Variants in TAFA2 observed in about 807,000 individuals in gnomAD.
TAFA2 encodes TAFA chemokine like family member 2.
TAFA2 carries 7 observed loss-of-function variants against 18.8 expected under a neutral mutation model. The observed-to-expected ratio is 0.37, with a 90% confidence interval of 0.21 to 0.70. The LOEUF (loss-of-function observed/expected upper bound fraction) is 0.70. Ranked by LOEUF, TAFA2 falls within the 30% of genes least tolerant of loss-of-function variation. The probability of loss-of-function intolerance (pLI) is 0.53; values close to 1 mark genes in which losing one functional copy is unlikely to be tolerated. For missense variants in TAFA2, 122 were observed against 158.1 expected (o/e 0.77, Z 1.23); for synonymous variants, 60 against 54.2 (o/e 1.11, Z -0.47).
intron 1 of TAFA2, among the ~76,000 whole-genome samples, chr12:61,993,358 C>T (rs960071716): frequency 6.6e-6 from 1 of 152,106 alleles, no homozygotes; most frequent in Admixed American, 6.6e-5. Flanking sequence ...CTCAAGTGTA[C>T]ATGCTTTTCT....
At chr12:61,838,697 C>T (rs1873041539) in intron 2 of TAFA2, among the ~76,000 whole-genome samples, 1 of 151,978 alleles carries the variant, frequency 6.6e-6, no homozygotes, top group South Asian at 2.1e-4. Context: ...TCTTTCCAGG[C>T]ATTTATTAAA....
chr12:61,737,344 CT>C (rs1006998352), intron 4 of TAFA2, among the ~76,000 whole-genome samples: 4 of 151,746 alleles, frequency 2.6e-5, no homozygotes, highest in Admixed American at 6.6e-5. Flanking sequence ...TTTCTCCTAA[CT>C]TTTTTTCACT....
intron 1 of TAFA2, among the ~76,000 whole-genome samples, chr12:62,240,034 A>C (rs1339947576): frequency 1.3e-5 from 2 of 151,570 alleles, no homozygotes; most frequent in Admixed American, 6.6e-5. Context: ...TTCTAGTTAT[A>C]TATATTATAT....
At chr12:61,960,779 A>AG (rs1878856908) in intron 1 of TAFA2, among the ~76,000 whole-genome samples, 1 of 151,364 alleles carries the variant, frequency 6.6e-6, no homozygotes, top group South Asian at 2.1e-4. Context: ...TTTCACCAAA[A>AG]AAAAAAAAAA....
intron 1 of TAFA2, among the ~76,000 whole-genome samples, chr12:62,247,229 C>G (rs963917905): frequency 1.3e-4 from 20 of 152,088 alleles, no homozygotes; most frequent in African/African-American, 4.6e-4. Flanking sequence ...CTAAAGTTAA[C>G]TGATACTTCT....
intron 1 of TAFA2, among the ~76,000 whole-genome samples, chr12:62,008,356 T>C (rs951331042): frequency 1.3e-5 from 2 of 152,152 alleles, no homozygotes; most frequent in East Asian, 1.9e-4. Flanking sequence ...TGGTTAAATA[T>C]CAAATATTTC....
chr12:61,725,981 G>T (rs1870145728), intron 4 of TAFA2, among the ~76,000 whole-genome samples: 1 of 151,522 alleles, frequency 6.6e-6, no homozygotes, highest in African/African-American at 2.4e-5. Context: ...CACTCTTTGG[G>T]TAATGGGTGC....
intron 1 of TAFA2, among the ~76,000 whole-genome samples, chr12:62,065,378 T>C (rs1882457226): frequency 6.6e-6 from 1 of 152,002 alleles, no homozygotes; most frequent in Non-Finnish European, 1.5e-5. Flanking sequence ...CAGCAACCTA[T>C]TGCAGACTAG....
chr12:61,800,430 G>GA (rs988451157), intron 2 of TAFA2, among the ~76,000 whole-genome samples: 3 of 152,054 alleles, frequency 2.0e-5, no homozygotes, highest in Admixed American at 2.0e-4. Flanking sequence ...ATGGAAATCA[G>GA]AAAAACAAGA....
At chr12:61,846,049 G>C (rs1873391007) in intron 2 of TAFA2, among the ~76,000 whole-genome samples, 1 of 152,020 alleles carries the variant, frequency 6.6e-6, no homozygotes, top group South Asian at 2.1e-4. Context: ...TCTATGTTTT[G>C]AAATAAAAAT....
chr12:62,162,797 A>G (rs2136931963), intron 1 of TAFA2, among the ~76,000 whole-genome samples: 1 of 152,286 alleles, frequency 6.6e-6, no homozygotes, highest in South Asian at 2.1e-4. Context: ...TAGATCAATT[A>G]AAAGAACTCT....
chr12:62,205,072 A>T (rs1434739530), intron 1 of TAFA2, among the ~76,000 whole-genome samples: 1 of 152,174 alleles, frequency 6.6e-6, no homozygotes, highest in Non-Finnish European at 1.5e-5. Flanking sequence ...TTTAACAGTC[A>T]GGCCCCTTTT....
At chr12:61,719,928 G>A (rs1869823048) in intron 4 of TAFA2, among the ~76,000 whole-genome samples, 1 of 152,214 alleles carries the variant, frequency 6.6e-6, no homozygotes, top group South Asian at 2.1e-4. Flanking sequence ...TCTATATGTG[G>A]TAAATCTTTT....
At chr12:61,758,349 A>G (rs1250201138) in intron 2 of TAFA2, among the ~76,000 whole-genome samples, 1 of 151,958 alleles carries the variant, frequency 6.6e-6, no homozygotes, top group East Asian at 1.9e-4. Flanking sequence ...GTGATCTAGT[A>G]GAGAGGGAAA....
chr12:62,061,832 A>G (rs1054188320), intron 1 of TAFA2, among the ~76,000 whole-genome samples: 1 of 152,180 alleles, frequency 6.6e-6, no homozygotes, highest in Non-Finnish European at 1.5e-5. Context: ...TTGAAGACAT[A>G]TTAGTGGATA....
At chr12:62,156,829 A>G (rs1476690912) in intron 1 of TAFA2, among the ~76,000 whole-genome samples, 1 of 152,180 alleles carries the variant, frequency 6.6e-6, no homozygotes, top group African/African-American at 2.4e-5. Flanking sequence ...CTCACAAATT[A>G]CCAATAAGGA....
At chr12:61,742,166 A>G (rs1019082424) in intron 4 of TAFA2, among the ~76,000 whole-genome samples, 26 of 152,136 alleles carry the variant, frequency 1.7e-4, no homozygotes, top group African/African-American at 6.0e-4. Flanking sequence ...AAGTGCTGGG[A>G]TTACAGGCAT....
chr12:61,799,588 C>T (rs568235232), intron 2 of TAFA2, among the ~76,000 whole-genome samples: 29 of 152,046 alleles, frequency 1.9e-4, no homozygotes, highest in Non-Finnish European at 2.9e-4. Context: ...TTTGGGAGGC[C>T]GAGGCGGGCG....
chr12:62,144,047 TA>T (rs34514238), intron 1 of TAFA2, among the ~76,000 whole-genome samples: 55,046 of 79,052 alleles, frequency 0.7, 18,845 homozygotes, highest in Non-Finnish European at 0.74. Flanking sequence ...GACCCTATCT[TA>T]AAAAAAAAAA....
Sources: allele counts gnomAD v4.1 joint callset (sites outside exome capture counted in the v4.1 genomes callset), GRCh38; gene constraint gnomAD v4.1.1; transcripts MANE v1.5; gene names NCBI Gene and HGNC (gene_info 2026-07-23, HGNC 2026-07-21).